Variants in SRFBP1 observed in about 807,000 individuals in gnomAD.
The protein encoded by SRFBP1 is serum response factor-binding protein 1.
SRFBP1 carries 47 observed loss-of-function variants against 45.5 expected under a neutral mutation model. The ratio of observed to expected loss-of-function variants is 1.03; its 90% CI spans 0.82 to 1.32. The LOEUF is 1.32. Among genes scored for constraint, SRFBP1 ranks in the 40% most tolerant of loss-of-function variants. The probability of loss-of-function intolerance (pLI) is 0.00; values close to 1 mark genes in which losing one functional copy is unlikely to be tolerated. For missense variants in SRFBP1, 621 were observed against 484.6 expected (o/e 1.28, Z -2.64); for synonymous variants, 203 against 166.3 (o/e 1.22, Z -1.70).
intron 4 of SRFBP1, among the ~76,000 whole-genome samples, chr5:121,995,555 G>C (rs1752705632): frequency 6.6e-6 from 1 of 152,090 alleles, no homozygotes; most frequent in African/African-American, 2.4e-5. Context: ...GCTGACAAGA[G>C]AAAGCAGGAA....
At chr5:122,057,459 CTGTGTGTGTGTGTGTGTG>C (rs3028227) in intron 2 of SRFBP1, among the ~76,000 whole-genome samples, 1 of 146,430 alleles carries the variant, frequency 6.8e-6, no homozygotes, top group East Asian at 2.1e-4. Flanking sequence ...GTTCTCAGTT[CTGTGTGTGTGTGTGTGTG>C]TGTGTGTGTG....
Position 122,020,733 on chromosome 5 carries a change from C to T in SRFBP1, c.998C>T (p.Pro333Leu). The change falls in exon 6 of 8, where the codon CCA becomes CTA. Residue 333 changes from proline to leucine, a missense_variant. By Grantham distance (98) the Pro-to-Leu change is moderately conservative. Coordinates refer to ENST00000339397, the MANE Select transcript of SRFBP1 (RefSeq NM_152546.3). ...GATACAAGAAATGACAAAATCAAGC[C>T]AAGTACAGAAACCAGAAAGTTAGAA... ...HGDTRNDKIK[P>L]STETRKLESV... 1 of 1,608,696 alleles carries T rather than the reference C, an allele frequency of 6.2e-7. No homozygotes were observed. Among genetic ancestry groups the T allele is most frequent in the Non-Finnish European group, 8.5e-7 (1 of 1,178,706 alleles).
At chr5:122,049,959 G>T (rs542153301) in intron 2 of SRFBP1, among the ~76,000 whole-genome samples, 1 of 152,108 alleles carries the variant, frequency 6.6e-6, no homozygotes, top group Non-Finnish European at 1.5e-5. Context: ...ATGAAGGAGT[G>T]TTGAATTTAG....
chr5:122,055,354 A>G (rs1014766846), intron 2 of SRFBP1, among the ~76,000 whole-genome samples: 2 of 152,196 alleles, frequency 1.3e-5, no homozygotes, highest in African/African-American at 4.8e-5. Context: ...ATTTCAGCAT[A>G]TAAGCTTGAG....
At chr5:122,016,561 A>G (rs1220195842) in intron 4 of SRFBP1, among the ~76,000 whole-genome samples, 1 of 152,098 alleles carries the variant, frequency 6.6e-6, no homozygotes, top group African/African-American at 2.4e-5. Context: ...GACTATTTTC[A>G]TATATTGTTT....
At chr5:121,982,463 T>C (rs908552976) in intron 3 of SRFBP1, among the ~76,000 whole-genome samples, 2 of 151,942 alleles carry the variant, frequency 1.3e-5, no homozygotes, top group African/African-American at 4.8e-5. Flanking sequence ...GCATTTTTAA[T>C]ATATAGGAGT....
chr5:122,074,179 C>A (rs761650026), intron 2 of SRFBP1: 1 of 1,605,362 alleles, frequency 6.2e-7, no homozygotes, highest in Non-Finnish European at 8.5e-7. Flanking sequence ...TCTGATGTCC[C>A]ACAAAACAAA....
intron 2 of SRFBP1, among the ~76,000 whole-genome samples, chr5:122,044,182 T>G (rs758084575): frequency 6.6e-6 from 1 of 152,220 alleles, no homozygotes. Flanking sequence ...TCAAAGGACT[T>G]GATCTCATTT....
Position 122,026,929 on chromosome 5 carries a change from T to G in SRFBP1, c.1106-13T>G. The G allele has an allele frequency of 6.3e-7, 1 of 1,587,194 alleles. No individual in the cohort carries two copies. The highest frequency in any genetic ancestry group is 8.6e-7 in the Non-Finnish European group (1 of 1,166,076). ...AGTATATAGTTATTATTATTTTTGC[T>G]TTCTCTTCCTAGATTTTCCACAGAA... is the stretch of plus-strand genomic sequence containing the variant. On this transcript the variant is annotated splice_polypyrimidine_tract_variant and intron_variant, in intron 7 of 7. Transcript: ENST00000339397.
intron 3 of SRFBP1, among the ~76,000 whole-genome samples, chr5:121,976,943 G>A (rs143026322): frequency 1.3e-5 from 2 of 151,580 alleles, no homozygotes; most frequent in African/African-American, 2.4e-5. Flanking sequence ...ACTTGTATGT[G>A]GTGTATGAAG....
chr5:121,973,618 G>T (rs1561576485), intron 1 of SRFBP1, among the ~76,000 whole-genome samples: 1 of 147,166 alleles, frequency 6.8e-6, no homozygotes, highest in Admixed American at 6.8e-5. Context: ...GTGTGTGTGG[G>T]GGGGGGGCAT....
intron 4 of SRFBP1, among the ~76,000 whole-genome samples, chr5:122,000,509 A>G (rs6885779): frequency 0.027 from 4,165 of 152,132 alleles, 200 homozygotes; most frequent in African/African-American, 0.095. Context: ...TTTTTTGGCA[A>G]GGAAGTTTTT....
chr5:121,980,042 A>G (rs1465620743), intron 3 of SRFBP1, among the ~76,000 whole-genome samples: 1 of 152,176 alleles, frequency 6.6e-6, no homozygotes, highest in Non-Finnish European at 1.5e-5. Flanking sequence ...GTTAACACGA[A>G]GACTAAACAG....
chr5:122,014,829 A>T (rs1753165617), intron 4 of SRFBP1, among the ~76,000 whole-genome samples: 1 of 152,204 alleles, frequency 6.6e-6, no homozygotes, highest in South Asian at 2.1e-4. Context: ...TGTTATAACT[A>T]AGATGGGAAG....
chr5:122,006,565 A>AT (rs1202983853), intron 4 of SRFBP1, among the ~76,000 whole-genome samples: 1 of 152,120 alleles, frequency 6.6e-6, no homozygotes, highest in African/African-American at 2.4e-5. Flanking sequence ...CATAAATCTC[A>AT]TAAATTTAAT....
At chr5:122,076,577 T>C (rs1754641448), downstream of SRFBP1, among the ~76,000 whole-genome samples, 1 of 152,220 alleles carries the variant, frequency 6.6e-6, no homozygotes, top group African/African-American at 2.4e-5. Context: ...ATAGTTGTTT[T>C]ATGAAAAGTG....
chr5:121,964,344 CT>C (rs1561572867), intron 1 of SRFBP1, among the ~76,000 whole-genome samples: 2 of 152,220 alleles, frequency 1.3e-5, no homozygotes, highest in African/African-American at 4.8e-5. Context: ...ATCCCTCCCC[CT>C]TTCCCCCCAC....
intron 3 of SRFBP1, among the ~76,000 whole-genome samples, chr5:121,990,351 T>C (rs1752594325): frequency 6.6e-6 from 1 of 152,202 alleles, no homozygotes; most frequent in South Asian, 2.1e-4. Context: ...TGTTCTCATT[T>C]TCACTTACAA....
At chr5:122,059,514 A>G (rs950717291) in intron 2 of SRFBP1, among the ~76,000 whole-genome samples, 1 of 152,078 alleles carries the variant, frequency 6.6e-6, no homozygotes, top group Admixed American at 6.6e-5. Flanking sequence ...TACCCCAGCA[A>G]AATCTATGTG....
Sources: allele counts gnomAD v4.1 joint callset (sites outside exome capture counted in the v4.1 genomes callset), GRCh38; gene constraint gnomAD v4.1.1; transcripts MANE v1.5; gene names NCBI Gene and HGNC (gene_info 2026-07-23, HGNC 2026-07-21).